Variants in PBX3 observed in about 807,000 individuals in gnomAD.
PBX3 encodes pre-B-cell leukemia transcription factor 3.
Under a neutral mutation model 48.5 loss-of-function variants are expected in PBX3, and 14 were observed. The observed-to-expected ratio is 0.29, with a 90% CI of 0.19 to 0.45. The LOEUF (loss-of-function observed/expected upper bound fraction) is 0.45, where lower values mean the gene tolerates loss of function less well. PBX3 is among the 20% of genes least tolerant of loss of function. The pLI is 1.00. For synonymous variants in PBX3, 210 were observed against 200.3 expected (o/e 1.05, Z -0.41); for missense variants, 386 against 546.7 (o/e 0.71, Z 2.93).
chr9:125,800,983 C>T (rs1216612553), intron 2 of PBX3, among the ~76,000 whole-genome samples: 15 of 151,970 alleles, frequency 9.9e-5, no homozygotes, highest in Admixed American at 6.6e-4. Flanking sequence ...GAACTCCTGA[C>T]GTCAGGTGAT....
chr9:125,795,522 C>T (rs545807685), intron 2 of PBX3, among the ~76,000 whole-genome samples: 33 of 152,236 alleles, frequency 2.2e-4, no homozygotes, highest in African/African-American at 6.0e-4. Flanking sequence ...TTTGGGTTCT[C>T]AGGGTCTGGT....
chr9:125,949,282 A>G, intron 5 of PBX3: 1 of 1,473,064 alleles, frequency 6.8e-7, no homozygotes, highest in Non-Finnish European at 9.2e-7. Flanking sequence ...GAAATCATGT[A>G]TGAAGAGTGC....
intron 4 of PBX3, among the ~76,000 whole-genome samples, chr9:125,931,068 A>G (rs1199403128): frequency 6.6e-6 from 1 of 152,192 alleles, no homozygotes; most frequent in African/African-American, 2.4e-5. Context: ...AGTTAACCTC[A>G]TTTTTATTAC....
chr9:125,946,651 A>G (rs1244137855), intron 5 of PBX3, among the ~76,000 whole-genome samples: 11 of 152,208 alleles, frequency 7.2e-5, no homozygotes, highest in Admixed American at 7.2e-4. Flanking sequence ...AAGAGTCCCA[A>G]GAAAATAATG....
At chr9:125,849,363 A>AT (rs2132254876) in intron 2 of PBX3, among the ~76,000 whole-genome samples, 1 of 151,852 alleles carries the variant, frequency 6.6e-6, no homozygotes, top group South Asian at 2.1e-4. Flanking sequence ...CACATGGTGG[A>AT]TTTAAAAAAA....
intron 2 of PBX3, among the ~76,000 whole-genome samples, chr9:125,786,113 A>G (rs1837450428): frequency 6.6e-6 from 1 of 152,134 alleles, no homozygotes. Flanking sequence ...CACTCCCAAA[A>G]GGGGGAAATT....
chr9:125,777,300 G>A (rs185920715), intron 2 of PBX3, among the ~76,000 whole-genome samples: 12 of 151,460 alleles, frequency 7.9e-5, no homozygotes, highest in Admixed American at 4.6e-4. Flanking sequence ...AGTGTGAGCC[G>A]CTGCTCCCAG....
chr9:125,938,907 TA>T (rs1564182527), intron 5 of PBX3, among the ~76,000 whole-genome samples: 1 of 151,938 alleles, frequency 6.6e-6, no homozygotes, highest in African/African-American at 2.4e-5. Context: ...CTGACTGACT[TA>T]GGGGTAAAGG....
At chr9:125,834,976 C>T (rs1839079576) in intron 2 of PBX3, among the ~76,000 whole-genome samples, 1 of 118,674 alleles carries the variant, frequency 8.4e-6, no homozygotes, top group Admixed American at 1.1e-4. Context: ...AAGTTCATGC[C>T]ACTGCACTCC....
intron 2 of PBX3, among the ~76,000 whole-genome samples, chr9:125,756,588 T>C (rs1836525247): frequency 6.6e-6 from 1 of 152,198 alleles, no homozygotes; most frequent in Non-Finnish European, 1.5e-5. Context: ...ATTCCACCAC[T>C]GTAGCTGTGA....
chr9:125,819,806 C>T (rs891201767), intron 2 of PBX3, among the ~76,000 whole-genome samples: 6 of 151,982 alleles, frequency 3.9e-5, no homozygotes, highest in Non-Finnish European at 8.8e-5. Context: ...TCTTTTAATA[C>T]GAAAACTTAG....
At chr9:125,773,156 ATTAC>A (rs1454250947) in intron 2 of PBX3, among the ~76,000 whole-genome samples, 1 of 152,198 alleles carries the variant, frequency 6.6e-6, no homozygotes, top group Admixed American at 6.5e-5. Flanking sequence ...GAAGGAATAT[ATTAC>A]TTATGAGACT....
At chr9:125,774,250 C>T (rs952947330) in intron 2 of PBX3, among the ~76,000 whole-genome samples, 1 of 152,170 alleles carries the variant, frequency 6.6e-6, no homozygotes, top group East Asian at 1.9e-4. Flanking sequence ...GAGAACAGCA[C>T]TAGGGGGATG....
At chr9:125,952,115 C>A (rs1221120289) in intron 5 of PBX3, among the ~76,000 whole-genome samples, 1 of 152,166 alleles carries the variant, frequency 6.6e-6, no homozygotes, top group African/African-American at 2.4e-5. Flanking sequence ...CATGACTTAG[C>A]ATTTCAACAT....
At chr9:125,910,188 T>A (rs1039909887) in intron 2 of PBX3, among the ~76,000 whole-genome samples, 1 of 152,168 alleles carries the variant, frequency 6.6e-6, no homozygotes, top group Non-Finnish European at 1.5e-5. Flanking sequence ...TGGGCTGTTT[T>A]AGGAAGGTAG....
rs150776714 is a variant in PBX3 at position 125,851,689 on chromosome 9, A to G, written c.275-63997A>G. 3.1e-3 allele frequency among the ~76,000 whole-genome samples: 467 copies of G among 152,178 alleles called. 2 individuals are homozygous for G. The highest frequency in any genetic ancestry group is 9.8e-3 in the African/African-American group (406 of 41,538). On this transcript the variant is annotated intron_variant, in intron 2 of 8. Transcript: ENST00000373489. Reference sequence around the variant, plus strand: ...CTGTAGTTTGTTGTTTATCAGCTGTATACTAAGTAATGTTTTGTCTGCATT... The same window carrying G: ...CTGTAGTTTGTTGTTTATCAGCTGTGTACTAAGTAATGTTTTGTCTGCATT...
chr9:125,755,673 T>TG (rs201480858), intron 2 of PBX3, among the ~76,000 whole-genome samples: 2,247 of 58,556 alleles, frequency 0.038, 86 homozygotes, highest in East Asian at 0.21. Context: ...AGGAGCTTTG[T>TG]TTTTTTTTTT....
chr9:125,899,548 G>A (rs1327238717), intron 2 of PBX3, among the ~76,000 whole-genome samples: 1 of 149,120 alleles, frequency 6.7e-6, no homozygotes, highest in Non-Finnish European at 1.5e-5. Flanking sequence ...GAGGGGAGTA[G>A]AGCACAAATC....
At chr9:125,863,547 T>C (rs533442625) in intron 2 of PBX3, among the ~76,000 whole-genome samples, 200 of 152,290 alleles carry the variant, frequency 1.3e-3, no homozygotes, top group African/African-American at 4.6e-3. Context: ...TTAAAAAGTC[T>C]AAAAGGCCTT....
Sources: allele counts gnomAD v4.1 joint callset (sites outside exome capture counted in the v4.1 genomes callset), GRCh38; gene constraint gnomAD v4.1.1; transcripts MANE v1.5; gene names NCBI Gene and HGNC (gene_info 2026-07-23, HGNC 2026-07-21).